The following LPP variants were observed in gnomAD, a reference collection of about 807,000 sequenced individuals.
LPP encodes LIM domain containing preferred translocation partner in lipoma.
In LPP, 38 loss-of-function variants were observed where a neutral mutation model predicts 60.4. The observed-to-expected ratio is 0.63, with a 90% CI of 0.49 to 0.83. The LOEUF is 0.83. Among genes scored for constraint, LPP ranks in the 40% least tolerant of loss-of-function variants. The pLI, the probability that LPP is intolerant of heterozygous loss-of-function variation, is 0.00. For synonymous variants in LPP, 328 were observed against 290.8 expected (o/e 1.13, Z -1.30); for missense variants, 902 against 783.6 (o/e 1.15, Z -1.80).
At chr3:188,251,925 T>TAAAC (rs1025510035) in intron 2 of LPP, among the ~76,000 whole-genome samples, 1 of 150,504 alleles carries the variant, frequency 6.6e-6, no homozygotes, top group African/African-American at 2.4e-5. Context: ...AAGCCAAAAC[T>TAAAC]AAACCAAAAG....
At chr3:188,179,347 C>T in intron 1 of LPP, 1 of 458,220 alleles carries the variant, frequency 2.2e-6, no homozygotes, top group East Asian at 7.0e-5. Context: ...CGGCCTCCTC[C>T]TAGGCCCCCG....
chr3:188,597,820 A>C (rs1321223173), intron 6 of LPP, among the ~76,000 whole-genome samples: 1 of 152,158 alleles, frequency 6.6e-6, no homozygotes, highest in Non-Finnish European at 1.5e-5. Context: ...TATTGAAAAA[A>C]CTAATTTATT....
At chr3:188,695,596 T>G (rs1292802549) in intron 7 of LPP, among the ~76,000 whole-genome samples, 1 of 152,254 alleles carries the variant, frequency 6.6e-6, no homozygotes, top group Non-Finnish European at 1.5e-5. Context: ...CCAGCTCCTC[T>G]GCCTACTTTC....
Position 188,352,051 on chromosome 3 carries a change from C to A in LPP, c.-10+10332C>A, listed in dbSNP as rs999038410. On this transcript the variant is annotated intron_variant, in intron 3 of 11. Coordinates refer to ENST00000617246, the MANE Select transcript of LPP (RefSeq NM_001375462.1). The surrounding 1 kb of genome is among the most constrained non-coding windows in gnomAD (Gnocchi z 4.4). Reference sequence around the variant, plus strand: ...ACCTCAACGTGTATTATTTCCTCCCCCCTTGTCATTTTTCTTCTATTACTT... The same window carrying A: ...ACCTCAACGTGTATTATTTCCTCCCACCTTGTCATTTTTCTTCTATTACTT... 6.6e-6 allele frequency among the ~76,000 whole-genome samples: 1 copy of A among 152,160 alleles called. No homozygotes were observed. Among genetic ancestry groups the A allele is most frequent in the African/African-American group, 2.4e-5 (1 of 41,418 alleles).
At chr3:188,699,639 C>T (rs946056328) in intron 7 of LPP, among the ~76,000 whole-genome samples, 20 of 152,124 alleles carry the variant, frequency 1.3e-4, no homozygotes, top group Admixed American at 1.2e-3. Flanking sequence ...TAAAATGGAA[C>T]ATAAGAATAG....
intron 6 of LPP, among the ~76,000 whole-genome samples, chr3:188,599,792 T>TGTGTGTGTGTGTGTG (rs1479284185): frequency 1.6e-4 from 12 of 76,880 alleles, no homozygotes; most frequent in South Asian, 4.5e-4. Flanking sequence ...GTGTGTGTGG[T>TGTGTGTGTGTGTGTG]GTGTGCTTTA....
At chr3:188,593,919 C>T (rs1294455649) in intron 6 of LPP, among the ~76,000 whole-genome samples, 1 of 152,172 alleles carries the variant, frequency 6.6e-6, no homozygotes, top group South Asian at 2.1e-4. Flanking sequence ...GTGCAAGTAT[C>T]ATTTTCGAAT....
intron 4 of LPP, among the ~76,000 whole-genome samples, chr3:188,447,538 A>G (rs1795513247): frequency 6.7e-6 from 1 of 149,978 alleles, no homozygotes; most frequent in Non-Finnish European, 1.5e-5. Context: ...TGAATCCAGG[A>G]GGCAGAGGTT....
At chr3:188,368,282 A>G (rs1771814175) in intron 3 of LPP, among the ~76,000 whole-genome samples, 2 of 152,154 alleles carry the variant, frequency 1.3e-5, no homozygotes, top group Admixed American at 6.5e-5. Context: ...AATATGGGTG[A>G]TTTTAAACTG....
chr3:188,357,022 C>A (rs1264621894), intron 3 of LPP, among the ~76,000 whole-genome samples: 5 of 152,202 alleles, frequency 3.3e-5, no homozygotes, highest in Non-Finnish European at 1.5e-5. Context: ...TCTCTCCCTT[C>A]TTCTCCATAC....
intron 2 of LPP, among the ~76,000 whole-genome samples, chr3:188,239,490 T>A (rs569101294): frequency 6.6e-6 from 1 of 152,360 alleles, no homozygotes; most frequent in Admixed American, 6.5e-5. Flanking sequence ...ATTTTTACTT[T>A]ATATCACCTT....
chr3:188,818,581 T>C (rs1753099546), intron 9 of LPP, among the ~76,000 whole-genome samples: 1 of 152,192 alleles, frequency 6.6e-6, no homozygotes, highest in Non-Finnish European at 1.5e-5. Context: ...CTCCTGTTAA[T>C]CTTCAGTAAA....
chr3:188,760,370 G>C (rs1350895889), intron 9 of LPP, 88 bp downstream of exon 9: 2 of 1,394,260 alleles, frequency 1.4e-6, no homozygotes, highest in Admixed American at 3.5e-5. Flanking sequence ...ATAGCCATCA[G>C]ATCTTTGCTT....
At chr3:188,472,243 C>T (rs1802032515) in intron 4 of LPP, among the ~76,000 whole-genome samples, 1 of 152,132 alleles carries the variant, frequency 6.6e-6, no homozygotes, top group African/African-American at 2.4e-5. Flanking sequence ...TGTTAAGAGA[C>T]TTTTAGAATG....
intron 6 of LPP, among the ~76,000 whole-genome samples, chr3:188,585,744 T>C (rs1470967135): frequency 1.3e-5 from 2 of 152,256 alleles, no homozygotes; most frequent in Non-Finnish European, 2.9e-5. Flanking sequence ...GTAGAAAACA[T>C]GTAAATGTAT....
chr3:188,495,895 G>A (rs1438921989), intron 5 of LPP, among the ~76,000 whole-genome samples: 1 of 152,148 alleles, frequency 6.6e-6, no homozygotes, highest in Non-Finnish European at 1.5e-5. Flanking sequence ...TCTGAATATA[G>A]TACTTTGAAA....
rs181530278 is a variant in LPP, at chr3:188,880,643, T to C, written c.*6164T>C. 186 of 187,770 alleles carry C rather than the reference T, an allele frequency of 9.9e-4. No homozygotes were observed. Among genetic ancestry groups the C allele is most frequent in the African/African-American group, 4.1e-3 (176 of 42,872 alleles). 11.6% of individuals were successfully genotyped at this position (187,770 alleles called of 1,614,324 possible). A position where few individuals can be genotyped will look rare whatever the true frequency, so the allele number is the denominator to read the frequency against. The stretch of plus-strand genomic sequence containing the variant: ...CACTTAAGGGCCAGAGAAATCCTTA[T>C]TCATTTAACTCTGGTGGGCATTTAT... On this transcript the variant is annotated 3_prime_UTR_variant, in exon 12 of 12. Transcript: ENST00000617246.
At chr3:188,268,649 C>CAA (rs1736496036) in intron 2 of LPP, among the ~76,000 whole-genome samples, 1 of 152,124 alleles carries the variant, frequency 6.6e-6, no homozygotes, top group Non-Finnish European at 1.5e-5. Flanking sequence ...TTAGGCTAAA[C>CAA]GTAATTTAAC....
chr3:188,769,610 T>C (rs138156243), intron 9 of LPP, among the ~76,000 whole-genome samples: 268 of 152,340 alleles, frequency 1.8e-3, no homozygotes, highest in Non-Finnish European at 3.3e-3. Flanking sequence ...TGCCATTTTA[T>C]AGCTGAGAAA....
Sources: gnomAD v4.1 joint callset for allele counts (sites outside exome capture counted in the v4.1 genomes callset) on GRCh38, gnomAD v4.1.1 for gene constraint, Gnocchi (gnomAD v3.1) non-coding constraint, MANE v1.5 for transcripts, NCBI Gene and HGNC (gene_info 2026-07-23, HGNC 2026-07-21) for gene names.